The following MEF2A variants were observed in gnomAD, a reference collection of about 807,000 sequenced individuals.
MEF2A encodes myocyte-specific enhancer factor 2A.
MEF2A carries 28 observed loss-of-function variants against 55.8 expected under a neutral mutation model. That is an observed-to-expected ratio of 0.50 (90% CI 0.37 to 0.69). The LOEUF is 0.69. Ranked by LOEUF, MEF2A falls within the 30% of genes least tolerant of loss-of-function variation. The pLI is 0.00. For missense variants in MEF2A, 528 were observed against 626.2 expected (o/e 0.84, Z 1.67); for synonymous variants, 239 against 227.1 (o/e 1.05, Z -0.47).
intron 3 of MEF2A, among the ~76,000 whole-genome samples, chr15:99,633,408 A>C (rs1440411824): frequency 2.0e-5 from 3 of 152,130 alleles, no homozygotes; most frequent in African/African-American, 7.2e-5. Flanking sequence ...AAGTAAAATC[A>C]CCACAATCCC....
At chr15:99,661,911 C>CT (rs897566605) in intron 4 of MEF2A, among the ~76,000 whole-genome samples, 4 of 151,674 alleles carry the variant, frequency 2.6e-5, no homozygotes, top group Admixed American at 1.3e-4. Context: ...ATGGATAAAG[C>CT]TTTTTTTTCA....
At chr15:99,571,184 CAA>C (rs113527746) in intron 1 of MEF2A, among the ~76,000 whole-genome samples, 7 of 134,246 alleles carry the variant, frequency 5.2e-5, no homozygotes, top group Non-Finnish European at 4.9e-5. Flanking sequence ...ACTCCATCTC[CAA>C]AAAAAAAAAA....
intron 2 of MEF2A, among the ~76,000 whole-genome samples, chr15:99,632,611 T>G (rs896895983): frequency 6.6e-6 from 1 of 152,170 alleles, no homozygotes; most frequent in Non-Finnish European, 1.5e-5. Context: ...ATTTATAAAA[T>G]GGAGGTAATA....
intron 1 of MEF2A, among the ~76,000 whole-genome samples, chr15:99,576,952 CTT>C (rs1410709742): frequency 6.6e-6 from 1 of 152,096 alleles, no homozygotes; most frequent in African/African-American, 2.4e-5. Context: ...TGGCCATAAA[CTT>C]TAGTTTTTAA....
intron 4 of MEF2A, among the ~76,000 whole-genome samples, chr15:99,653,565 C>CG (rs2047201836): frequency 6.6e-6 from 1 of 152,112 alleles, no homozygotes; most frequent in African/African-American, 2.4e-5. Context: ...ACGTGTTTCA[C>CG]TGATTGTGTA....
At position 99,690,449 on chromosome 15, in the gene MEF2A, A is replaced by G. The variant is rs536967614; in HGVS notation, c.858+21A>G. The G allele has an allele frequency of 5.1e-6, 8 of 1,564,900 alleles. No individual in the cohort carries two copies. In the African/African-American group the frequency reaches 6.8e-5, roughly 13 times the overall value. ...CACTAGTAAGTTGAACCTTTCTTCA[A>G]CTTCATTCTTTAAAACACATATTTT... On this transcript the variant is annotated intron_variant, in intron 8 of 11. Transcript: ENST00000557942.
intron 8 of MEF2A, among the ~76,000 whole-genome samples, chr15:99,695,629 A>T (rs1042650372): frequency 1.3e-5 from 2 of 151,298 alleles, no homozygotes; most frequent in African/African-American, 4.8e-5. Flanking sequence ...GGAGGCTGAG[A>T]CAGGCAGATC....
At chr15:99,706,376 G>T (rs577683648) in intron 9 of MEF2A, among the ~76,000 whole-genome samples, 212 of 152,312 alleles carry the variant, frequency 1.4e-3, no homozygotes, top group African/African-American at 4.8e-3. Flanking sequence ...CCATCATCAG[G>T]TATTTAAAAC....
At chr15:99,591,470 A>G (rs945789669) in intron 1 of MEF2A, among the ~76,000 whole-genome samples, 4 of 152,142 alleles carry the variant, frequency 2.6e-5, no homozygotes, top group Admixed American at 6.6e-5. Context: ...GATTTTCTCT[A>G]TATGACTGGA....
chr15:99,668,968 T>G (rs1043492174), intron 4 of MEF2A, among the ~76,000 whole-genome samples: 6 of 152,186 alleles, frequency 3.9e-5, no homozygotes, highest in African/African-American at 1.4e-4. Context: ...TAGAGCCTCT[T>G]AAATTCTCTC....
intron 1 of MEF2A, among the ~76,000 whole-genome samples, chr15:99,581,096 T>C (rs1965781044): frequency 6.6e-6 from 1 of 152,080 alleles, no homozygotes; most frequent in South Asian, 2.1e-4. Context: ...GGTTTTCCTC[T>C]ATAAATTAGT....
chr15:99,630,742 G>C (rs562872211), intron 2 of MEF2A, among the ~76,000 whole-genome samples: 1 of 152,324 alleles, frequency 6.6e-6, no homozygotes, highest in African/African-American at 2.4e-5. Flanking sequence ...GGATTGAGAT[G>C]ATTTAAAGCT....
rs189972408 is a variant in MEF2A at position 99,580,832 on chromosome 15, T to C, written c.-225+14728T>C. On this transcript the variant is annotated intron_variant, in intron 1 of 11. Coordinates refer to ENST00000557942, the MANE Select transcript of MEF2A (RefSeq NM_001319206.4). ...GATGTTAGCTTTTTGAAAATTAAAC[T>C]TCATTACCTCTTTATATATTTATTC... is the stretch of plus-strand genomic sequence containing the variant. Among the ~76,000 whole-genome samples the C allele has an allele frequency of 3.3e-5, 5 of 152,312 alleles. No individual in the cohort carries two copies. In the East Asian group the frequency reaches 9.6e-4, roughly 29 times the overall value.
rs1596195547 is a variant in MEF2A, at chr15:99,572,380, C to T, written c.-225+6276C>T. Among the ~76,000 whole-genome samples the T allele has an allele frequency of 5.3e-5, 8 of 152,346 alleles. No homozygotes were observed. In the South Asian group the frequency reaches 1.7e-3, roughly 32 times the overall value. On this transcript the variant is annotated intron_variant, in intron 1 of 11. Coordinates refer to ENST00000557942, the MANE Select transcript of MEF2A (RefSeq NM_001319206.4). ...CTTCTCACTCAGAGGCCTAATCTGACCATCCTATTTAATATTGCAGTCTGT... is the reference window on the plus strand; with the variant it reads ...CTTCTCACTCAGAGGCCTAATCTGATCATCCTATTTAATATTGCAGTCTGT...
chr15:99,692,039 A>G (rs2055586739), intron 8 of MEF2A, among the ~76,000 whole-genome samples: 1 of 152,232 alleles, frequency 6.6e-6, no homozygotes, highest in South Asian at 2.1e-4. Context: ...ATACTAAATG[A>G]TATGCCAGGT....
chr15:99,711,926 C>T (rs1443086889), intron 11 of MEF2A, among the ~76,000 whole-genome samples: 2 of 152,240 alleles, frequency 1.3e-5, no homozygotes, highest in African/African-American at 4.8e-5. Context: ...GCCAGCCCCT[C>T]ATTTCCTCAT....
intron 4 of MEF2A, among the ~76,000 whole-genome samples, chr15:99,667,254 C>T (rs576657425): frequency 2.0e-5 from 3 of 152,164 alleles, no homozygotes; most frequent in African/African-American, 4.8e-5. Context: ...CAGAGTCTTG[C>T]TCTGTCGCCC....
At chr15:99,580,411 G>A (rs181439819) in intron 1 of MEF2A, among the ~76,000 whole-genome samples, 1 of 152,264 alleles carries the variant, frequency 6.6e-6, no homozygotes. Flanking sequence ...ACTTTGAGAG[G>A]GGTGAGGAAA....
intron 4 of MEF2A, among the ~76,000 whole-genome samples, chr15:99,656,591 A>G (rs776257302): frequency 6.6e-6 from 1 of 152,146 alleles, no homozygotes; most frequent in Non-Finnish European, 1.5e-5. Context: ...CCAGTGTGAT[A>G]ACTTCATGAT....
Sources: gnomAD v4.1 joint callset for allele counts (sites outside exome capture counted in the v4.1 genomes callset) on GRCh38, gnomAD v4.1.1 for gene constraint, MANE v1.5 for transcripts, NCBI Gene and HGNC (gene_info 2026-07-23, HGNC 2026-07-21) for gene names.